The following DOP1B variants were observed in gnomAD, a reference collection of about 807,000 sequenced individuals.
DOP1B encodes the protein DOP1 leucine zipper like protein B, also known as protein DOP1B.
A neutral mutation model predicts 233.5 loss-of-function variants in DOP1B; 174 were observed. That is an observed-to-expected ratio of 0.75 (90% CI 0.66 to 0.85). DOP1B has a LOEUF of 0.85. Among genes scored for constraint, DOP1B ranks in the 40% least tolerant of loss-of-function variants. DOP1B has a pLI of 0.00. For missense variants in DOP1B, 2,652 were observed against 2,846.6 expected, an observed-to-expected ratio of 0.93 and a Z score of 1.56; for synonymous variants, 1,190 against 1,185.6, an observed-to-expected ratio of 1.00 and a Z score of -0.08.
chr21:36,228,630 G>A (rs1443414245), intron 13 of DOP1B, among the ~76,000 whole-genome samples: 2 of 151,752 alleles, frequency 1.3e-5, no homozygotes, highest in African/African-American at 4.8e-5. Flanking sequence ...GCCGGGTGCA[G>A]TGGCGGGCGC....
rs546657000 is a variant in DOP1B at position 36,211,535 on chromosome 21, C to T, written c.682-18C>T. ...AAAGAGTAGCCTGAAAATGCTAGTG[C>T]CGTTTGATCGTTTACAGGTGAAGTC... On this transcript the variant is annotated intron_variant, in intron 5 of 36. Coordinates refer to ENST00000691173, the MANE Select transcript of DOP1B (RefSeq NM_001320714.2). The T allele has an allele frequency of 6.6e-5, 106 of 1,610,130 alleles. 2 individuals are homozygous for T. The Middle Eastern group carries it at 9.9e-4, about 15-fold the overall frequency.
At chr21:36,188,946 G>T (rs546183246) in intron 2 of DOP1B, among the ~76,000 whole-genome samples, 1 of 152,114 alleles carries the variant, frequency 6.6e-6, no homozygotes, top group Non-Finnish European at 1.5e-5. Context: ...ATTTTAAATT[G>T]TGGTAAAATA....
chr21:36,258,363 C>T (rs1239297781), intron 23 of DOP1B, among the ~76,000 whole-genome samples: 1 of 152,054 alleles, frequency 6.6e-6, no homozygotes, highest in African/African-American at 2.4e-5. Flanking sequence ...GTCAAGATCA[C>T]GCCACTGCAC....
At chr21:36,274,768 C>T (rs2067331169) in intron 27 of DOP1B, among the ~76,000 whole-genome samples, 1 of 151,974 alleles carries the variant, frequency 6.6e-6, no homozygotes, top group Non-Finnish European at 1.5e-5. Flanking sequence ...CAGTGGAGGT[C>T]GGTAACTCTT....
At chr21:36,254,070 G>C (rs1478953094) in intron 23 of DOP1B, among the ~76,000 whole-genome samples, 161 bp downstream of exon 23, 1 of 152,140 alleles carries the variant, frequency 6.6e-6, no homozygotes, top group Non-Finnish European at 1.5e-5. Context: ...GCTGTGCTTT[G>C]GGGGAGACCT....
chr21:36,225,436 G>A, intron 11 of DOP1B, 129 bp from the exon 12 acceptor site: 1 of 983,286 alleles, frequency 1.0e-6, no homozygotes, highest in Non-Finnish European at 1.5e-6. Flanking sequence ...TCACCATGTT[G>A]CCCAGGCTGG....
At chr21:36,197,540 G>A (rs549174281) in intron 2 of DOP1B, among the ~76,000 whole-genome samples, 1 of 152,310 alleles carries the variant, frequency 6.6e-6, no homozygotes, top group South Asian at 2.1e-4. Context: ...AGACAGCAGA[G>A]AAGAGTGAGA....
intron 35 of DOP1B, among the ~76,000 whole-genome samples, chr21:36,290,489 C>T (rs372709855): frequency 2.6e-5 from 4 of 152,026 alleles, no homozygotes; most frequent in Non-Finnish European, 5.9e-5. Flanking sequence ...GGTGAAAAAC[C>T]CTGTCTCTAC....
chr21:36,204,196 T>A (rs559125185), intron 4 of DOP1B, among the ~76,000 whole-genome samples: 1 of 152,200 alleles, frequency 6.6e-6, no homozygotes, highest in Non-Finnish European at 1.5e-5. Flanking sequence ...CTGAACATTT[T>A]ACAATGCACA....
At position 36,245,405 on chromosome 21, in the gene DOP1B, A is replaced by G; in HGVS notation, c.3425A>G (p.Glu1142Gly). The G allele has an allele frequency of 6.2e-7, 1 of 1,614,080 alleles. No homozygotes were observed. The highest frequency in any genetic ancestry group is 8.5e-7 in the Non-Finnish European group (1 of 1,180,042). Reference sequence around the variant, plus strand: ...GACCTGCAGGAGCTGAGCAACGAAGAGAACTGCTGTGCACCCATCCCCATG... The same window carrying G: ...GACCTGCAGGAGCTGAGCAACGAAGGGAACTGCTGTGCACCCATCCCCATG... ...SHDLQELSNE[E>G]NCCAPIPMGG... Residue 1142 changes from glutamate (E) to glycine (G), a missense_variant, in exon 19 of 37, where the codon GAG becomes GGG. Around this residue, in one of 3 missense-constraint regions of DOP1B, gnomAD observed 2,617 missense variants for 2,794.3 expected, o/e 0.94. Coordinates refer to ENST00000691173, the MANE Select transcript of DOP1B (RefSeq NM_001320714.2). The surrounding 1 kb of genome is among the most constrained non-coding windows in gnomAD (Gnocchi z 5.5).
intron 18 of DOP1B, among the ~76,000 whole-genome samples, chr21:36,243,983 G>T (rs546777166): frequency 6.1e-5 from 9 of 147,080 alleles, no homozygotes; most frequent in African/African-American, 2.0e-4. Flanking sequence ...GGGATTACAG[G>T]CATAATTCAC....
At chr21:36,251,622 T>C (rs2067033833) in intron 22 of DOP1B, among the ~76,000 whole-genome samples, 1 of 152,156 alleles carries the variant, frequency 6.6e-6, no homozygotes, top group African/African-American at 2.4e-5. Flanking sequence ...GGTTTCGCCA[T>C]GTTGGCCAGG....
intron 11 of DOP1B, among the ~76,000 whole-genome samples, chr21:36,224,163 A>G (rs1317228088): frequency 2.0e-5 from 3 of 151,906 alleles, no homozygotes; most frequent in Non-Finnish European, 4.4e-5. Flanking sequence ...GTTATTTTTT[A>G]TTTTATGACG....
chr21:36,234,567 T>A (rs2066805337), intron 15 of DOP1B, among the ~76,000 whole-genome samples: 1 of 152,132 alleles, frequency 6.6e-6, no homozygotes, highest in African/African-American at 2.4e-5. Flanking sequence ...TTTTTTTTCC[T>A]TGAGACAGAG....
intron 1 of DOP1B, 65 bp downstream of exon 1, chr21:36,157,008 G>A (rs2065825496): frequency 1.3e-5 from 2 of 152,358 alleles, no homozygotes; most frequent in East Asian, 3.9e-4. Flanking sequence ...CGGAGGAGCC[G>A]GGCATCTCCT....
At chr21:36,161,679 A>G (rs147917021) in intron 1 of DOP1B, among the ~76,000 whole-genome samples, 149 of 152,236 alleles carry the variant, frequency 9.8e-4, no homozygotes, top group African/African-American at 3.1e-3. Flanking sequence ...TCATACATTT[A>G]CAGAGTTGTG....
intron 24 of DOP1B, among the ~76,000 whole-genome samples, chr21:36,262,364 A>G (rs942255660): frequency 6.6e-6 from 1 of 152,230 alleles, no homozygotes; most frequent in Non-Finnish European, 1.5e-5. Flanking sequence ...AGTAAGTTGG[A>G]GAACCAGGAC....
chr21:36,260,658 G>C lies in DOP1B; in HGVS notation c.5260-19G>C. The C allele has an allele frequency of 6.2e-7, 1 of 1,613,356 alleles. No homozygotes were observed. Among genetic ancestry groups the C allele is most frequent in the South Asian group, 1.1e-5 (1 of 90,798 alleles). ...ATTTCCCACCAACTCGGAGTAATTG[G>C]TTTTACTTTCATTTTCAGAAATCGC... On this transcript the variant is annotated intron_variant, in intron 23 of 36. Transcript: ENST00000691173.
chr21:36,283,936 C>CTTTTTTT (rs547999186), intron 32 of DOP1B, among the ~76,000 whole-genome samples: 30 of 100,988 alleles, frequency 3.0e-4, no homozygotes, highest in East Asian at 1.1e-3. Context: ...ACACCTGTTC[C>CTTTTTTT]TTTTTTTTTT....
Sources: gnomAD v4.1 joint callset for allele counts (sites outside exome capture counted in the v4.1 genomes callset) on GRCh38, gnomAD v4.1.1 for gene constraint, gnomAD v4.1.1 regional missense constraint, Gnocchi (gnomAD v3.1) non-coding constraint, MANE v1.5 for transcripts, NCBI Gene and HGNC (gene_info 2026-07-23, HGNC 2026-07-21) for gene names.